Variants in MMADHC observed in about 807,000 individuals in gnomAD.
The protein encoded by MMADHC is cobalamin trafficking protein CblD.
A neutral mutation model predicts 36.3 loss-of-function variants in MMADHC; 23 were observed. That is an observed-to-expected ratio of 0.63 (90% CI 0.46 to 0.90). The LOEUF (loss-of-function observed/expected upper bound fraction) is 0.90, where lower values mean the gene tolerates loss of function less well. Ranked by LOEUF, MMADHC falls within the 40% of genes least tolerant of loss-of-function variation. MMADHC has a pLI of 0.00. For synonymous variants in MMADHC, 97 were observed against 116.1 expected, an observed-to-expected ratio of 0.84 and a Z score of 1.06; for missense variants, 330 against 348.0, an observed-to-expected ratio of 0.95 and a Z score of 0.41.
chr2:149,575,892 A>C (rs1682710069), intron 5 of MMADHC, 51 bp from the exon 6 acceptor site: 2 of 1,428,136 alleles, frequency 1.4e-6, no homozygotes, highest in African/African-American at 2.8e-5. Flanking sequence ...ATTTTTAAAG[A>C]ACAAATTTTT....
chr2:149,571,275 A>G, intron 6 of MMADHC, 104 bp from the exon 7 acceptor site: 1 of 667,668 alleles, frequency 1.5e-6, no homozygotes, highest in East Asian at 3.0e-5. Context: ...AAAAGAACTC[A>G]AGATTAATAA....
chr2:149,587,342 C>T, intron 1 of MMADHC, 193 bp from the exon 2 acceptor site: 1 of 581,198 alleles, frequency 1.7e-6, no homozygotes, highest in Non-Finnish European at 3.1e-6. Context: ...GCCGGCAGTG[C>T]AGCTCAGAGC....
At position 149,587,146 on chromosome 2, in the gene MMADHC, A is replaced by C. The variant is rs79997772; in HGVS notation, c.-49T>G. ...AAAATAGCTTTCCTTTGGTAAAGTT[A>C]TTTCTGGGAAAGAACACAACAAAAC... is the stretch of plus-strand genomic sequence containing the variant. On this transcript the variant is annotated 5_prime_UTR_variant, in exon 2 of 8. Transcript: ENST00000303319. 1 of 1,589,684 alleles carries C rather than the reference A, an allele frequency of 6.3e-7. No homozygotes were observed. Among genetic ancestry groups the C allele is most frequent in the Admixed American group, 1.7e-5 (1 of 60,000 alleles).
chr2:149,574,119 T>TTATA (rs1234603010), intron 6 of MMADHC, among the ~76,000 whole-genome samples: 4 of 152,130 alleles, frequency 2.6e-5, no homozygotes, highest in African/African-American at 9.7e-5. Context: ...TTCAAACTGG[T>TTATA]TATAGGAAAC....
chr2:149,571,736 C>T lies in MMADHC; in HGVS notation c.610-565G>A, dbSNP rs570966282. 1.7e-4 allele frequency among the ~76,000 whole-genome samples: 25 copies of T among 148,746 alleles called. No individual in the cohort carries two copies. In the South Asian group the frequency reaches 4.3e-3, roughly 25 times the overall value. ...CAGAGCTTGCAGTGAGCCGAGATCG[C>T]GCCACTGCACTCCAGCCTGGGCGAC... On this transcript the variant is annotated intron_variant, in intron 6 of 7. Transcript: ENST00000303319.
intron 2 of MMADHC, among the ~76,000 whole-genome samples, chr2:149,584,266 T>C (rs1682832013): frequency 6.6e-6 from 1 of 152,214 alleles, no homozygotes; most frequent in South Asian, 2.1e-4. Flanking sequence ...AATAAAAGAT[T>C]ATCTGAAGGG....
chr2:149,586,885 TATAA>T, intron 2 of MMADHC, 200 bp downstream of exon 2: 1 of 604,554 alleles, frequency 1.7e-6, no homozygotes, highest in East Asian at 2.8e-5. Context: ...AATGAAATTG[TATAA>T]ATAAGTGTAT....
At chr2:149,576,753 A>G (rs1271487742) in intron 4 of MMADHC, among the ~76,000 whole-genome samples, 1 of 152,242 alleles carries the variant, frequency 6.6e-6, no homozygotes, top group African/African-American at 2.4e-5. Flanking sequence ...AAATGTGAAT[A>G]CAGCAGAGCA....
chr2:149,582,314 A>G, intron 2 of MMADHC, 43 bp from the exon 3 acceptor site: 2 of 1,597,384 alleles, frequency 1.3e-6, no homozygotes, highest in Middle Eastern at 3.3e-4. Flanking sequence ...CTGAATATAA[A>G]TGTTATACTT....
At chr2:149,579,955 TC>T (rs1431577362) in intron 3 of MMADHC, among the ~76,000 whole-genome samples, 1 of 152,126 alleles carries the variant, frequency 6.6e-6, no homozygotes, top group Non-Finnish European at 1.5e-5. Context: ...CTGAATGAAA[TC>T]CAGGATACAA....
intron 5 of MMADHC, among the ~76,000 whole-genome samples, chr2:149,576,142 C>T (rs951058020): frequency 3.3e-5 from 5 of 151,892 alleles, no homozygotes; most frequent in Admixed American, 6.5e-5. Context: ...AAGATTTTTC[C>T]GTATTATATT....
At chr2:149,578,894 A>G (rs920103088) in intron 4 of MMADHC, among the ~76,000 whole-genome samples, 3 of 151,612 alleles carry the variant, frequency 2.0e-5, no homozygotes, top group Non-Finnish European at 4.4e-5. Flanking sequence ...ATAATCATAA[A>G]TGCAAGTTTA....
chr2:149,570,278 CTAAA>C (rs984310705), intron 7 of MMADHC, 110 bp from the exon 8 acceptor site: 29 of 948,878 alleles, frequency 3.1e-5, no homozygotes, highest in Middle Eastern at 2.2e-4. Context: ...ATTTAAAAAA[CTAAA>C]TAAGTAAAAA....
At chr2:149,578,057 CAG>C (rs1475087159) in intron 4 of MMADHC, among the ~76,000 whole-genome samples, 1 of 151,996 alleles carries the variant, frequency 6.6e-6, no homozygotes, top group Non-Finnish European at 1.5e-5. Flanking sequence ...AACAAAGAAA[CAG>C]GAGCTTAGAA....
chr2:149,580,763 T>A (rs1682782810), intron 3 of MMADHC, among the ~76,000 whole-genome samples: 1 of 152,190 alleles, frequency 6.6e-6, no homozygotes. Flanking sequence ...CATTTCCTGC[T>A]GAACCCAGAC....
At chr2:149,585,064 G>GA (rs1179774375) in intron 2 of MMADHC, among the ~76,000 whole-genome samples, 4 of 148,468 alleles carry the variant, frequency 2.7e-5, no homozygotes, top group Non-Finnish European at 6.0e-5. Context: ...AAAGAAAAAA[G>GA]AAAAAAAAGA....
chr2:149,573,819 CAATG>C (rs1161937136), intron 6 of MMADHC, among the ~76,000 whole-genome samples: 6 of 151,790 alleles, frequency 4.0e-5, no homozygotes, highest in Non-Finnish European at 7.4e-5. Context: ...GAGAGCAAAA[CAATG>C]AAATGCGATC....
At chr2:149,579,741 T>C in intron 3 of MMADHC, 93 bp from the exon 4 acceptor site, 1 of 1,090,966 alleles carries the variant, frequency 9.2e-7, no homozygotes, top group South Asian at 1.5e-5. Flanking sequence ...ATGTATATTT[T>C]TATCTAAAAG....
chr2:149,583,120 T>C (rs1682817943), intron 2 of MMADHC, among the ~76,000 whole-genome samples: 1 of 152,198 alleles, frequency 6.6e-6, no homozygotes, highest in African/African-American at 2.4e-5. Context: ...CGGATATTTG[T>C]ATTAAAAACA....
Sources: gnomAD v4.1 joint callset for allele counts (sites outside exome capture counted in the v4.1 genomes callset) on GRCh38, gnomAD v4.1.1 for gene constraint, MANE v1.5 for transcripts, NCBI Gene and HGNC (gene_info 2026-07-23, HGNC 2026-07-21) for gene names.